Variants in LRFN1 observed in about 807,000 individuals in gnomAD.
The protein encoded by LRFN1 is leucine rich repeat and fibronectin type III domain containing 1.
LRFN1 carries 20 observed loss-of-function variants against 31.8 expected under a neutral mutation model. The observed-to-expected ratio is 0.63, with a 90% CI of 0.44 to 0.91. The LOEUF (loss-of-function observed/expected upper bound fraction) is 0.91. Among genes scored for constraint, LRFN1 ranks in the 40% least tolerant of loss-of-function variants. The pLI, the probability that LRFN1 is intolerant of heterozygous loss-of-function variation, is 0.00. For synonymous variants in LRFN1, 514 were observed against 541.3 expected, an observed-to-expected ratio of 0.95 and a Z score of 0.70; for missense variants, 912 against 1,129.8, an observed-to-expected ratio of 0.81 and a Z score of 2.76.
At chr19:39,313,522 G>T (rs2075158210) in intron 4 of LRFN1, among the ~76,000 whole-genome samples, 2 of 152,136 alleles carry the variant, frequency 1.3e-5, no homozygotes, top group Admixed American at 1.3e-4. Flanking sequence ...ATAGAGTAAG[G>T]CTCAGTCTCA....
intron 4 of LRFN1, among the ~76,000 whole-genome samples, chr19:39,311,719 G>A (rs1005836912): frequency 5.9e-5 from 9 of 152,198 alleles, no homozygotes; most frequent in African/African-American, 1.7e-4. Context: ...TCATTTGTTT[G>A]TCCTCATGTT....
At chr19:39,313,122 T>C (rs553403856) in intron 4 of LRFN1, among the ~76,000 whole-genome samples, 1 of 152,362 alleles carries the variant, frequency 6.6e-6, no homozygotes, top group Admixed American at 6.5e-5. Flanking sequence ...GGGCAATGGC[T>C]TCAAACCCAA....
intron 4 of LRFN1, among the ~76,000 whole-genome samples, chr19:39,309,377 C>T (rs1451110214): frequency 6.7e-6 from 1 of 150,150 alleles, no homozygotes; most frequent in South Asian, 2.1e-4. Context: ...TCGCTTGAAC[C>T]CGGGAGGTGG....
rs764132391 is a variant in LRFN1, at chr19:39,307,984, G to A, written c.1965C>T (p.Ser655=). The A allele has an allele frequency of 5.9e-5, 93 of 1,580,340 alleles. No individual in the cohort carries two copies. In the East Asian group the frequency reaches 2.0e-3, roughly 34 times the overall value. ...GSATSLCLLP[S]EETSGEESRA... ...GAGACTCCTCCCCGGAAGTTTCCTCGGATGGCAGCAGGCACAGCGAGGTGG... is the reference window on the plus strand; with the variant it reads ...GAGACTCCTCCCCGGAAGTTTCCTCAGATGGCAGCAGGCACAGCGAGGTGG... The change falls in exon 5 of 5, where the codon TCC becomes TCT. Residue 655 remains serine, a synonymous_variant. Transcript: ENST00000248668. The surrounding 1 kb of genome is among the most constrained non-coding windows in gnomAD (Gnocchi z 6.7).
At chr19:39,316,839 G>T (rs912289827) in intron 2 of LRFN1, among the ~76,000 whole-genome samples, 23 of 152,286 alleles carry the variant, frequency 1.5e-4, no homozygotes, top group African/African-American at 5.5e-4. Context: ...GGCGGGGGGT[G>T]AAGAGGAAAG....
Position 39,314,284 on chromosome 19 carries a change from C to T in LRFN1, c.1053G>A (p.Gly351=), listed in dbSNP as rs767287803. 4.3e-6 allele frequency: 7 copies of T among 1,611,920 alleles called. No individual in the cohort carries two copies. Among genetic ancestry groups the T allele is most frequent in the Admixed American group, 1.7e-5 (1 of 59,774 alleles). The stretch of plus-strand genomic sequence containing the variant: ...TGATGGTCACATCCAGCGTCCCGTC[C>T]CCCCGGACCCGGGTCCGGCTGGAGT... ...LGNSSRTRVR[G]DGTLDVTITT... Residue 351 remains glycine, a synonymous_variant, in exon 4 of 5, where the codon GGG becomes GGA. Coordinates refer to ENST00000248668, the MANE Select transcript of LRFN1 (RefSeq NM_020862.2).
rs762089810 is a variant in LRFN1 at position 39,314,044 on chromosome 19, G to T, written c.1293C>A (p.Ala431=). 8 of 1,610,726 alleles carry T rather than the reference G, an allele frequency of 5.0e-6. No individual in the cohort carries two copies. The East Asian group carries it at 1.6e-4, about 31-fold the overall frequency. Residue 431 remains alanine (A), a synonymous_variant, in exon 4 of 5, where the codon GCC becomes GCA. Coordinates refer to ENST00000248668, the MANE Select transcript of LRFN1 (RefSeq NM_020862.2). ...DSAAERRLVA[A]ELTSNSVLIR... is the part of the protein sequence containing the mutation. ...TGAGCACGGAGTTCGAGGTGAGCTC[G>T]GCTGCCACGAGCCGACGCTCAGCCG... is the stretch of plus-strand genomic sequence containing the variant.
At chr19:39,317,054 G>A (rs1798758142) in intron 2 of LRFN1, among the ~76,000 whole-genome samples, 1 of 152,006 alleles carries the variant, frequency 6.6e-6, no homozygotes, top group Non-Finnish European at 1.5e-5. Flanking sequence ...CCAGGGGGAG[G>A]GAGAAGTGGA....
In LRFN1 at chr19:39,314,996, G is replaced by T. The variant is rs757479654; in HGVS notation, c.341C>A (p.Ala114Asp). ...GCTGTCCAGGTGCAGGGCCCGGAGG[G>T]CACGCAGGTCGGCGAAGGCGCCAGC... Reference protein sequence around the residue: ...VAAGAFADLRALRALHLDSNR... With the variant: ...VAAGAFADLRDLRALHLDSNR... The change falls in exon 4 of 5, where the codon GCC (alanine) becomes GAC (aspartate). Residue 114 changes from alanine (A) to aspartate (D), a missense_variant. Around this residue, in one of 2 missense-constraint regions of LRFN1, gnomAD observed 401 missense variants for 572.7 expected, o/e 0.70. Transcript: ENST00000248668. The T allele has an allele frequency of 3.8e-6, 6 of 1,591,998 alleles. No individual in the cohort carries two copies. The highest frequency in any genetic ancestry group is 5.1e-6 in the Non-Finnish European group (6 of 1,175,698).
rs756152292 is a variant in LRFN1 at position 39,315,007 on chromosome 19, G to A, written c.330C>T (p.Ala110=). The A allele has an allele frequency of 3.8e-6, 6 of 1,592,602 alleles. No individual in the cohort carries two copies. The highest frequency in any genetic ancestry group is 5.1e-6 in the Non-Finnish European group (6 of 1,176,434). The change falls in exon 4 of 5, where the codon GCC becomes GCT. Residue 110 remains alanine (A), a synonymous_variant. Transcript: ENST00000248668. The surrounding 1 kb of genome is among the most constrained non-coding windows in gnomAD (Gnocchi z 4.7). ...GCAGGGCCCGGAGGGCACGCAGGTCGGCGAAGGCGCCAGCTGCCACCTGGC... is the reference window on the plus strand; with the variant it reads ...GCAGGGCCCGGAGGGCACGCAGGTCAGCGAAGGCGCCAGCTGCCACCTGGC... ...TIGQVAAGAF[A]DLRALRALHL...
In LRFN1 at chr19:39,306,693, T is replaced by C. The variant is rs1555789334; in HGVS notation, c.*940A>G. On this transcript the variant is annotated 3_prime_UTR_variant, in exon 5 of 5. Coordinates refer to ENST00000248668, the MANE Select transcript of LRFN1 (RefSeq NM_020862.2). ...CTTCCCATCTTCCTTCAGTCTCACT[T>C]AGAGTCCTTATGCTGCAATCTAGGT... is the stretch of plus-strand genomic sequence containing the variant. The C allele has an allele frequency of 6.6e-6, 1 of 150,516 alleles. No individual in the cohort carries two copies. The highest frequency in any genetic ancestry group is 1.5e-5 in the Non-Finnish European group (1 of 68,370). 9.3% of individuals were successfully genotyped at this position (150,516 alleles called of 1,614,324 possible).
chr19:39,315,141 G>T lies in LRFN1; in HGVS notation c.196C>A (p.Arg66Ser). ...TCGGTGAGCCGCAGCTCCACCACGC[G>T]CCGGTCGATGGCGGGCGGCACAAAG... ...LLFVPPAIDRRVVELRLTDNF... is the reference protein window; with the variant it reads ...LLFVPPAIDRSVVELRLTDNF... Residue 66 changes from arginine to serine, a missense_variant, in exon 4 of 5, where the codon CGC becomes AGC. Physicochemically the swap from Arg to Ser is moderately radical, Grantham distance 110 (BLOSUM62 -1). Transcript: ENST00000248668. The surrounding 1 kb of genome is among the most constrained non-coding windows in gnomAD (Gnocchi z 4.7). 2.5e-6 allele frequency: 4 copies of T among 1,591,658 alleles called. No homozygotes were observed. Among genetic ancestry groups the T allele is most frequent in the Non-Finnish European group, 3.4e-6 (4 of 1,176,182 alleles).
In LRFN1 at chr19:39,307,953, C is replaced by G. The variant is rs2145027484; in HGVS notation, c.1996G>C (p.Ala666Pro). The G allele has an allele frequency of 6.4e-7, 1 of 1,567,698 alleles. No individual in the cohort carries two copies. Among genetic ancestry groups the G allele is most frequent in the Non-Finnish European group, 8.6e-7 (1 of 1,165,516 alleles). Residue 666 changes from alanine (A) to proline (P), a missense_variant, in exon 5 of 5, where the codon GCG becomes CCG. Physicochemically the swap from Ala to Pro is conservative, Grantham distance 27. Around this residue, in one of 2 missense-constraint regions of LRFN1, gnomAD observed 511 missense variants for 557.0 expected, o/e 0.92. Coordinates refer to ENST00000248668, the MANE Select transcript of LRFN1 (RefSeq NM_020862.2). This position sits in a 1 kb window ranked among gnomAD's most constrained non-coding sequence, Gnocchi z 6.7. Reference protein sequence around the residue: ...EETSGEESRAAVGPRRSRSGA... With the variant: ...EETSGEESRAPVGPRRSRSGA... ...GATCGGCTCCTTCGAGGGCCCACCGCGGCCCGAGACTCCTCCCCGGAAGTT... is the reference window on the plus strand; with the variant it reads ...GATCGGCTCCTTCGAGGGCCCACCGGGGCCCGAGACTCCTCCCCGGAAGTT...
Position 39,315,166 on chromosome 19 carries a change from G to A in LRFN1, c.171C>T (p.Leu57=), listed in dbSNP as rs2075167413. The change falls in exon 4 of 5, where the codon CTC becomes CTT. Residue 57 remains leucine, a synonymous_variant. Transcript: ENST00000248668. This position sits in a 1 kb window ranked among gnomAD's most constrained non-coding sequence, Gnocchi z 4.7. ...GCCGGTCGATGGCGGGCGGCACAAA[G>A]AGCAAGCCGGTCTTGGCGCACAGCA... is the stretch of plus-strand genomic sequence containing the variant. The part of the protein sequence containing the change: ...LTMLCAKTGL[L]FVPPAIDRRV... 1 of 1,590,422 alleles carries A rather than the reference G, an allele frequency of 6.3e-7. No individual in the cohort carries two copies. The highest frequency in any genetic ancestry group is 8.5e-7 in the Non-Finnish European group (1 of 1,175,290).
intron 1 of LRFN1, among the ~76,000 whole-genome samples, chr19:39,320,474 C>G (rs1600487156): frequency 6.6e-6 from 1 of 151,834 alleles, no homozygotes; most frequent in East Asian, 1.9e-4. Flanking sequence ...GGCACACAAC[C>G]CACGCACACA....
At position 39,308,328 on chromosome 19, in the gene LRFN1, C is replaced by T; in HGVS notation, c.1621G>A (p.Gly541Arg). The change falls in exon 5 of 5, where the codon GGG (glycine) becomes AGG (arginine). Residue 541 changes from glycine (G) to arginine (R), a missense_variant. Gly to Arg is a moderately radical substitution (Grantham distance 125). Coordinates refer to ENST00000248668, the MANE Select transcript of LRFN1 (RefSeq NM_020862.2). This position sits in a 1 kb window ranked among gnomAD's most constrained non-coding sequence, Gnocchi z 6.2. The stretch of plus-strand genomic sequence containing the variant: ...AGGACCGAGGCGACGATGACGCCCC[C>T]GATGGCGATGATCATGGTGCCGCCC... ...FLGGTMIIAI[G>R]GVIVASVLVF... 6.2e-7 allele frequency: 1 copy of T among 1,613,054 alleles called. No individual in the cohort carries two copies. Among genetic ancestry groups the T allele is most frequent in the Non-Finnish European group, 8.5e-7 (1 of 1,179,608 alleles).
rs749234644 is a variant in LRFN1, at chr19:39,308,585, A to G, written c.1407-43T>C. On this transcript the variant is annotated intron_variant, in intron 4 of 4. Coordinates refer to ENST00000248668, the MANE Select transcript of LRFN1 (RefSeq NM_020862.2). The surrounding 1 kb of genome is among the most constrained non-coding windows in gnomAD (Gnocchi z 6.2). ...TTCAGGGCGGGGTTAGTCCCCCCGA[A>G]CCACGCCCCTTCGCTTTATGCCCCG... The G allele has an allele frequency of 6.6e-7, 1 of 1,511,994 alleles. No homozygotes were observed. The highest frequency in any genetic ancestry group is 8.8e-7 in the Non-Finnish European group (1 of 1,132,582). The allele number at this position is 1,511,994 out of a possible 1,614,324, so 93.7% of individuals were successfully genotyped here. A position where few individuals can be genotyped will look rare whatever the true frequency, so the allele number is the denominator to read the frequency against.
At chr19:39,316,046 T>C (rs73546023) in intron 3 of LRFN1, 36 bp downstream of exon 3, 4,153 of 152,284 alleles carry the variant, frequency 0.027, 76 homozygotes, top group Middle Eastern at 0.037. Flanking sequence ...ATCCAAGCCA[T>C]ACTCCCTAGC....
rs2075139629 is a variant in LRFN1 at position 39,308,611 on chromosome 19, C to T, written c.1407-69G>A. 2 of 1,379,740 alleles carry T rather than the reference C, an allele frequency of 1.4e-6. No homozygotes were observed. Among genetic ancestry groups the T allele is most frequent in the Non-Finnish European group, 1.9e-6 (2 of 1,034,104 alleles). 85.5% of individuals were successfully genotyped at this position (1,379,740 alleles called of 1,614,324 possible). A position where few individuals can be genotyped will look rare whatever the true frequency, so the allele number is the denominator to read the frequency against. ...CCACGCCCCTTCGCTTTATGCCCCG[C>T]CCATGGTGAACAGTGGGGACTAAAC... is the stretch of plus-strand genomic sequence containing the variant. On this transcript the variant is annotated intron_variant, in intron 4 of 4. Transcript: ENST00000248668. This position sits in a 1 kb window ranked among gnomAD's most constrained non-coding sequence, Gnocchi z 6.2.
Sources: allele counts gnomAD v4.1 joint callset (sites outside exome capture counted in the v4.1 genomes callset), GRCh38; gene constraint gnomAD v4.1.1; regional missense constraint gnomAD v4.1.1; non-coding constraint Gnocchi (gnomAD v3.1); transcripts MANE v1.5; gene names NCBI Gene and HGNC (gene_info 2026-07-23, HGNC 2026-07-21).